The following PFKP variants were observed in gnomAD, a reference collection of about 807,000 sequenced individuals.
The protein encoded by PFKP is ATP-dependent 6-phosphofructokinase, platelet type.
Under a neutral mutation model 94.3 loss-of-function variants are expected in PFKP, and 101 were observed. The observed-to-expected ratio is 1.07, with a 90% CI of 0.91 to 1.26. The LOEUF is 1.26. Ranked by LOEUF, PFKP falls within the 50% of genes most tolerant of loss-of-function variation. The pLI is 0.00. For missense variants in PFKP, 1,145 were observed against 1,103.3 expected (o/e 1.04, Z -0.53); for synonymous variants, 573 against 432.6 (o/e 1.32, Z -4.03).
intron 4 of PFKP, among the ~76,000 whole-genome samples, chr10:3,102,229 C>G (rs112568925): frequency 0.07 from 6,897 of 99,164 alleles, 288 homozygotes; most frequent in Middle Eastern, 0.15. Flanking sequence ...CCAGCCTGGG[C>G]GACAGAGCGA....
At chr10:3,076,360 G>A (rs1315368813) in intron 1 of PFKP, among the ~76,000 whole-genome samples, 8 of 152,120 alleles carry the variant, frequency 5.3e-5, no homozygotes, top group Admixed American at 5.2e-4. Context: ...GAGGACCCTG[G>A]AATGCAGCAT....
At position 3,101,357 on chromosome 10, in the gene PFKP, T is replaced by C; in HGVS notation, c.265-8T>C. 6.4e-7 allele frequency: 1 copy of C among 1,572,100 alleles called. No individual in the cohort carries two copies. Among genetic ancestry groups the C allele is most frequent in the African/African-American group, 1.4e-5 (1 of 74,058 alleles). Reference sequence around the variant, plus strand: ...GAGAGGAGATAAATTAGCTGGTGTCTTTCCCAGGGCGGGACGATCATTGGC... The same window carrying C: ...GAGAGGAGATAAATTAGCTGGTGTCCTTCCCAGGGCGGGACGATCATTGGC... On this transcript the variant is annotated splice_polypyrimidine_tract_variant and splice_region_variant and intron_variant, in intron 3 of 21. Coordinates refer to ENST00000381125, the MANE Select transcript of PFKP (RefSeq NM_002627.5).
In PFKP at chr10:3,109,570, G is replaced by C. The variant is rs186859699; in HGVS notation, c.1089+90G>C. Reference sequence around the variant, plus strand: ...CCAGCCTGGGCACCTTGGGTGTCTCGTCGGTGCACGATGCATTACACGGCC... The same window carrying C: ...CCAGCCTGGGCACCTTGGGTGTCTCCTCGGTGCACGATGCATTACACGGCC... On this transcript the variant is annotated intron_variant, in intron 10 of 21. Coordinates refer to ENST00000381125, the MANE Select transcript of PFKP (RefSeq NM_002627.5). The C allele has an allele frequency of 1.6e-5, 24 of 1,468,876 alleles. No homozygotes were observed. In the African/African-American group the frequency reaches 2.9e-4, roughly 18 times the overall value. 91.0% of individuals were successfully genotyped at this position (1,468,876 alleles called of 1,614,324 possible). A position where few individuals can be genotyped will look rare whatever the true frequency, so the allele number is the denominator to read the frequency against.
At chr10:3,089,520 C>G (rs759614137) in intron 2 of PFKP, among the ~76,000 whole-genome samples, 2 of 151,996 alleles carry the variant, frequency 1.3e-5, no homozygotes, top group Non-Finnish European at 2.9e-5. Flanking sequence ...CTCATACAAG[C>G]ATGCAATGCA....
At chr10:3,084,552 CTGT>C (rs1390970355) in intron 2 of PFKP, among the ~76,000 whole-genome samples, 2 of 152,072 alleles carry the variant, frequency 1.3e-5, no homozygotes, top group South Asian at 2.1e-4. Context: ...CATTCCCAGG[CTGT>C]TGTTTTTATC....
At chr10:3,097,851 A>G (rs1376560876) in intron 2 of PFKP, among the ~76,000 whole-genome samples, 1 of 152,188 alleles carries the variant, frequency 6.6e-6, no homozygotes, top group African/African-American at 2.4e-5. Context: ...CTTTAAAACA[A>G]AAACAAAATT....
At chr10:3,101,165 G>A (rs879131617) in intron 3 of PFKP, among the ~76,000 whole-genome samples, 200 bp from the exon 4 acceptor site, 23 of 152,154 alleles carry the variant, frequency 1.5e-4, no homozygotes, top group Non-Finnish European at 2.5e-4. Flanking sequence ...GGTGTCACGC[G>A]CCTGTCTTTG....
chr10:3,114,066 G>A (rs1474908453), intron 13 of PFKP, among the ~76,000 whole-genome samples: 2 of 143,982 alleles, frequency 1.4e-5, no homozygotes, highest in African/African-American at 5.1e-5. Flanking sequence ...AGGGAGGACT[G>A]GAAACAGGAT....
Position 3,136,496 on chromosome 10 carries a change from A to C in PFKP, c.2272A>C (p.Met758Leu), listed in dbSNP as rs1048953729. 1.2e-6 allele frequency: 2 copies of C among 1,613,648 alleles called. No homozygotes were observed. The highest frequency in any genetic ancestry group is 8.5e-7 in the Non-Finnish European group (1 of 1,179,752). ...GTGGTGGCTCAAGCTACGGCCCCTC[A>C]TGAAAATCCTGGCCAAGTACAAGGC... Reference protein sequence around the residue: ...EQWWLKLRPLMKILAKYKASY... With the variant: ...EQWWLKLRPLLKILAKYKASY... Residue 758 changes from methionine (M) to leucine (L), a missense_variant, in exon 22 of 22, where the codon ATG becomes CTG. Around this residue, in one of 3 missense-constraint regions of PFKP, gnomAD observed 6 missense variants for 21.0 expected, o/e 0.29. Transcript: ENST00000381125.
chr10:3,097,720 T>C (rs961176098), intron 2 of PFKP, among the ~76,000 whole-genome samples: 1 of 152,146 alleles, frequency 6.6e-6, no homozygotes, highest in Non-Finnish European at 1.5e-5. Context: ...TAAACACACA[T>C]GTGGCCAGGC....
chr10:3,126,596 AGGCTC>A (rs543092382), intron 16 of PFKP, among the ~76,000 whole-genome samples: 106 of 152,350 alleles, frequency 7.0e-4, no homozygotes, highest in African/African-American at 2.2e-3. Context: ...ACTTCAGCAG[AGGCTC>A]GGCTGCCGTG....
chr10:3,071,662 C>T (rs1832208975), intron 1 of PFKP, among the ~76,000 whole-genome samples: 1 of 152,080 alleles, frequency 6.6e-6, no homozygotes, highest in Admixed American at 6.5e-5. Context: ...GTCCTGGTGC[C>T]TGGTGGAGCT....
intron 16 of PFKP, among the ~76,000 whole-genome samples, chr10:3,121,884 C>G (rs1409668936): frequency 7.6e-6 from 1 of 131,990 alleles, no homozygotes. Context: ...TGCAGTGCTG[C>G]AATCGCTATT....
intron 4 of PFKP, among the ~76,000 whole-genome samples, chr10:3,103,219 C>T (rs1835189812): frequency 6.6e-6 from 1 of 152,210 alleles, no homozygotes; most frequent in African/African-American, 2.4e-5. Context: ...AATGTGGATC[C>T]TTTCTTTTAT....
chr10:3,101,970 G>A (rs938185150), intron 4 of PFKP, among the ~76,000 whole-genome samples: 4 of 150,802 alleles, frequency 2.7e-5, no homozygotes, highest in African/African-American at 9.7e-5. Context: ...ACTGAAGTTG[G>A]GCCGGGCGCG....
At chr10:3,104,038 G>A in intron 5 of PFKP, 94 bp downstream of exon 5, 2 of 1,154,746 alleles carry the variant, frequency 1.7e-6, no homozygotes, top group Non-Finnish European at 2.4e-6. Context: ...TCTGCAGATT[G>A]GGTGTCCTGG....
At chr10:3,121,396 C>A (rs1837387024) in intron 16 of PFKP, among the ~76,000 whole-genome samples, 2 of 152,188 alleles carry the variant, frequency 1.3e-5, no homozygotes, top group Non-Finnish European at 2.9e-5. Context: ...GCTCTTTCGC[C>A]TGCTTTAGCT....
intron 1 of PFKP, 38 bp from the exon 2 acceptor site, chr10:3,082,350 G>T: frequency 6.6e-7 from 1 of 1,524,884 alleles, no homozygotes; most frequent in Admixed American, 1.8e-5. Flanking sequence ...GAATTACCCC[G>T]GGCTCTTCAG....
chr10:3,111,423 C>T (rs532481147), intron 10 of PFKP, among the ~76,000 whole-genome samples: 17 of 152,196 alleles, frequency 1.1e-4, no homozygotes, highest in East Asian at 3.9e-4. Flanking sequence ...GAACGACATG[C>T]GGTACGTGTA....
Sources: allele counts gnomAD v4.1 joint callset (sites outside exome capture counted in the v4.1 genomes callset), GRCh38; gene constraint gnomAD v4.1.1; regional missense constraint gnomAD v4.1.1; transcripts MANE v1.5; gene names NCBI Gene and HGNC (gene_info 2026-07-23, HGNC 2026-07-21).